Variants in NRCAM observed in about 807,000 individuals in gnomAD.
NRCAM encodes NgCAM-related cell adhesion molecule.
NRCAM carries 83 observed loss-of-function variants against 156.5 expected under a neutral mutation model. The observed-to-expected ratio is 0.53, with a 90% CI of 0.44 to 0.64. The LOEUF is 0.64. Ranked by LOEUF, NRCAM falls within the 30% of genes least tolerant of loss-of-function variation. NRCAM has a pLI of 0.00. For synonymous variants in NRCAM, 538 were observed against 563.9 expected (o/e 0.95, Z 0.65); for missense variants, 1,417 against 1,597.3 (o/e 0.89, Z 1.92).
At chr7:108,225,790 T>C in intron 9 of NRCAM, 89 bp from the exon 10 acceptor site, 2 of 815,572 alleles carry the variant, frequency 2.5e-6, no homozygotes, top group East Asian at 2.4e-5. Context: ...CATATGCAGC[T>C]ATCCTGACCG....
At chr7:108,339,169 A>C (rs146507995) in intron 2 of NRCAM, among the ~76,000 whole-genome samples, 1,943 of 152,330 alleles carry the variant, frequency 0.013, 23 homozygotes, top group Admixed American at 0.014. Context: ...TTAAATCTTA[A>C]TTACCATACA....
chr7:108,270,177 A>G (rs1432238528), intron 3 of NRCAM, among the ~76,000 whole-genome samples: 1 of 152,218 alleles, frequency 6.6e-6, no homozygotes, highest in Non-Finnish European at 1.5e-5. Context: ...AAAAGGCAAC[A>G]TGATAAAAGC....
rs957629736 is a variant in NRCAM, at chr7:108,299,366, G to A, written c.-107+13299C>T. 5.3e-5 allele frequency among the ~76,000 whole-genome samples: 8 copies of A among 152,128 alleles called. No homozygotes were observed. In the East Asian group the frequency reaches 1.4e-3, roughly 26 times the overall value. On this transcript the variant is annotated intron_variant, in intron 3 of 32. Coordinates refer to ENST00000379028, the MANE Select transcript of NRCAM (RefSeq NM_001037132.4). ...ATGGGTTGAGGAAAAGGTATAAAAA[G>A]TGAGCTTTCATTACCACGATTTCTA... is the stretch of plus-strand genomic sequence containing the variant.
intron 10 of NRCAM, among the ~76,000 whole-genome samples, chr7:108,224,255 T>C (rs1435597355): frequency 6.6e-6 from 1 of 152,072 alleles, no homozygotes; most frequent in Non-Finnish European, 1.5e-5. Context: ...GTTAGATTTT[T>C]ATAAAGATAT....
intron 1 of NRCAM, among the ~76,000 whole-genome samples, chr7:108,442,496 T>A (rs1041791773): frequency 6.6e-6 from 1 of 152,204 alleles, no homozygotes; most frequent in Non-Finnish European, 1.5e-5. Context: ...CAAGATGTAT[T>A]CTGTTGTCCA....
intron 32 of NRCAM, among the ~76,000 whole-genome samples, chr7:108,158,287 A>C (rs996649554): frequency 2.0e-5 from 3 of 152,166 alleles, no homozygotes; most frequent in African/African-American, 4.8e-5. Flanking sequence ...AACCATAGTT[A>C]TCTCTCTTTA....
intron 30 of NRCAM, among the ~76,000 whole-genome samples, 194 bp downstream of exon 30, chr7:108,166,727 T>C (rs2054608119): frequency 6.6e-6 from 1 of 152,172 alleles, no homozygotes; most frequent in Non-Finnish European, 1.5e-5. Context: ...GGCTAGATGA[T>C]TTGCTAAATT....
intron 11 of NRCAM, among the ~76,000 whole-genome samples, chr7:108,210,210 C>CT (rs2083341354): frequency 6.6e-6 from 1 of 151,236 alleles, no homozygotes; most frequent in Admixed American, 6.6e-5. Context: ...ATAGATCAAA[C>CT]TTAGGTATTA....
intron 1 of NRCAM, among the ~76,000 whole-genome samples, chr7:108,412,569 C>T (rs141422837): frequency 1.3e-5 from 2 of 152,170 alleles, no homozygotes; most frequent in East Asian, 3.9e-4. Context: ...ACACTTAAAA[C>T]CCACTCTTAG....
chr7:108,383,750 G>A (rs1396465609), intron 2 of NRCAM, among the ~76,000 whole-genome samples: 2 of 152,148 alleles, frequency 1.3e-5, no homozygotes, highest in African/African-American at 4.8e-5. Context: ...CATCTTCCTT[G>A]AGCCAAGAAC....
chr7:108,231,767 G>A lies in NRCAM; in HGVS notation c.427+559C>T, dbSNP rs567921169. Among the ~76,000 whole-genome samples, 232 of 152,148 alleles carry A rather than the reference G, an allele frequency of 1.5e-3. 4 individuals carry two copies. The South Asian group carries it at 0.036, about 24-fold the overall frequency. ...TTTGTTTAATTAGTTTTTCTACAAC[G>A]AACATGTATTATACATGTAATTTTT... is the stretch of plus-strand genomic sequence containing the variant. On this transcript the variant is annotated intron_variant, in intron 7 of 32. Coordinates refer to ENST00000379028, the MANE Select transcript of NRCAM (RefSeq NM_001037132.4).
intron 1 of NRCAM, among the ~76,000 whole-genome samples, chr7:108,413,070 G>A (rs542786606): frequency 3.7e-4 from 57 of 152,180 alleles, no homozygotes; most frequent in African/African-American, 1.4e-3. Flanking sequence ...TGGATCATAT[G>A]GTAGTTCTAT....
chr7:108,207,494 T>C (rs2081801510), intron 13 of NRCAM, 34 bp downstream of exon 13: 1 of 1,605,960 alleles, frequency 6.2e-7, no homozygotes, highest in Admixed American at 1.7e-5. Flanking sequence ...GCTCTGAAAA[T>C]ATACTGCAAT....
intron 26 of NRCAM, 29 bp downstream of exon 26, chr7:108,177,961 T>C: frequency 6.4e-7 from 1 of 1,566,000 alleles, no homozygotes; most frequent in Non-Finnish European, 8.6e-7. Flanking sequence ...AAAAACATAT[T>C]TCCCCTTCTC....
At position 108,447,047 on chromosome 7, in the gene NRCAM, T is replaced by TA. The variant is rs1258417228; in HGVS notation, c.-332+9195dup. On this transcript the variant is annotated intron_variant, in intron 1 of 32. Coordinates refer to ENST00000379028, the MANE Select transcript of NRCAM (RefSeq NM_001037132.4). ...CAGACCCACCTGTCTACCTCTTTAC[T>TA]AATTTTTATTCAGCCTTATTTGCTT... 2.6e-5 allele frequency among the ~76,000 whole-genome samples: 4 copies of TA among 152,222 alleles called. 1 individual carries two copies. The highest frequency in any genetic ancestry group is 4.1e-4 in the South Asian group (2 of 4,828).
At chr7:108,339,045 A>T (rs2099243837) in intron 2 of NRCAM, among the ~76,000 whole-genome samples, 1 of 152,234 alleles carries the variant, frequency 6.6e-6, no homozygotes, top group Non-Finnish European at 1.5e-5. Context: ...AAAAGCAAAA[A>T]GGTAGCTTAC....
In NRCAM at chr7:108,442,798, G is replaced by C. The variant is rs144233862; in HGVS notation, c.-332+13445C>G. ...GCTCATACTGAAACAGTGATATTCAGATACAAACTATCGCCTGTACTCTCT... is the reference window on the plus strand; with the variant it reads ...GCTCATACTGAAACAGTGATATTCACATACAAACTATCGCCTGTACTCTCT... On this transcript the variant is annotated intron_variant, in intron 1 of 32. Transcript: ENST00000379028. Among the ~76,000 whole-genome samples, 57 of 152,296 alleles carry C rather than the reference G, an allele frequency of 3.7e-4. No homozygotes were observed. The East Asian group carries it at 0.011, about 28-fold the overall frequency.
At chr7:108,329,882 T>C (rs919215350) in intron 2 of NRCAM, among the ~76,000 whole-genome samples, 1 of 152,170 alleles carries the variant, frequency 6.6e-6, no homozygotes, top group Non-Finnish European at 1.5e-5. Flanking sequence ...TAATAAAAAC[T>C]TGAAAAATGG....
chr7:108,361,301 G>A (rs1009291717), intron 2 of NRCAM, among the ~76,000 whole-genome samples: 2 of 152,200 alleles, frequency 1.3e-5, no homozygotes, highest in African/African-American at 4.8e-5. Flanking sequence ...TACCATATAT[G>A]ATGGTTAATT....
Sources: gnomAD v4.1 joint callset for allele counts (sites outside exome capture counted in the v4.1 genomes callset) on GRCh38, gnomAD v4.1.1 for gene constraint, MANE v1.5 for transcripts, NCBI Gene and HGNC (gene_info 2026-07-23, HGNC 2026-07-21) for gene names.